The following NME8 variants were observed in gnomAD, a reference collection of about 807,000 sequenced individuals.
NME8 encodes the protein NME/NM23 family member 8.
NME8 carries 72 observed loss-of-function variants against 82.3 expected under a neutral mutation model. That is an observed-to-expected ratio of 0.87 (90% CI 0.72 to 1.06). The LOEUF is 1.06. Ranked by LOEUF, NME8 falls within the 50% of genes least tolerant of loss-of-function variation. The pLI is 0.00. For synonymous variants in NME8, 267 were observed against 228.5 expected, an observed-to-expected ratio of 1.17 and a Z score of -1.52; for missense variants, 712 against 685.4, an observed-to-expected ratio of 1.04 and a Z score of -0.43.
chr7:37,859,888 A>G (rs1448656461), intron 6 of NME8, among the ~76,000 whole-genome samples: 1 of 152,116 alleles, frequency 6.6e-6, no homozygotes, highest in East Asian at 1.9e-4. Context: ...CTCCACATCC[A>G]TAATCATTAA....
chr7:37,871,666 T>G lies in NME8; in HGVS notation c.818+3768T>G, dbSNP rs549535009. Among the ~76,000 whole-genome samples, 12 of 152,282 alleles carry G rather than the reference T, an allele frequency of 7.9e-5. No individual in the cohort carries two copies. In the East Asian group the frequency reaches 1.9e-3, roughly 25 times the overall value. On this transcript the variant is annotated intron_variant, in intron 11 of 17. Transcript: ENST00000199447. ...ATGACCTCTGAGCTCACTTTCAGTT[T>G]AAGTCTTTATGACAGAGTGAAGGTG...
intron 12 of NME8, among the ~76,000 whole-genome samples, chr7:37,878,286 A>G (rs2598018): frequency 0.47 from 71,952 of 151,980 alleles, 17,398 homozygotes; most frequent in East Asian, 0.74. Flanking sequence ...ACAGCCTTGC[A>G]TTCTCCAGAA....
At chr7:37,873,156 T>G (rs1784794564) in intron 11 of NME8, among the ~76,000 whole-genome samples, 2 of 152,146 alleles carry the variant, frequency 1.3e-5, no homozygotes, top group African/African-American at 4.8e-5. Flanking sequence ...AGTCAGGAGC[T>G]CAAGACCAGC....
At chr7:37,865,758 T>A in intron 10 of NME8, 141 bp downstream of exon 10, 1 of 656,922 alleles carries the variant, frequency 1.5e-6, no homozygotes, top group Non-Finnish European at 2.7e-6. Context: ...GGTGTCCATA[T>A]CATGGAGATG....
rs371342890 is a variant in NME8, at chr7:37,863,457, G to A, written c.449G>A (p.Ser150Asn). 3 of 1,585,202 alleles carry A rather than the reference G, an allele frequency of 1.9e-6. No individual in the cohort carries two copies. The highest frequency in any genetic ancestry group is 2.2e-5 in the East Asian group (1 of 44,738). The change falls in exon 8 of 18, where the codon AGT (serine) becomes AAT (asparagine). Residue 150 changes from serine to asparagine, a missense_variant. Transcript: ENST00000199447. ...GTTAGTGAAGAATCACCATGTGAAAGTGTTCGTAAGTAAATTTACTTCAAA... is the reference window on the plus strand; with the variant it reads ...GTTAGTGAAGAATCACCATGTGAAAATGTTCGTAAGTAAATTTACTTCAAA... ...SEVSEESPCESVQELYSIAII... is the reference protein window; with the variant it reads ...SEVSEESPCENVQELYSIAII...
At chr7:37,869,695 C>T (rs972579891) in intron 11 of NME8, among the ~76,000 whole-genome samples, 5 of 152,138 alleles carry the variant, frequency 3.3e-5, no homozygotes, top group Non-Finnish European at 5.9e-5. Flanking sequence ...TACAGTATTT[C>T]CTTTCTAAAC....
chr7:37,869,826 T>C (rs1157922317), intron 11 of NME8, among the ~76,000 whole-genome samples: 1 of 152,138 alleles, frequency 6.6e-6, no homozygotes, highest in East Asian at 1.9e-4. Flanking sequence ...ACTCAAAATA[T>C]GGCGCTTTGA....
intron 11 of NME8, among the ~76,000 whole-genome samples, chr7:37,871,773 T>C (rs1784770394): frequency 6.6e-6 from 1 of 152,152 alleles, no homozygotes; most frequent in Non-Finnish European, 1.5e-5. Flanking sequence ...TCTCTATTTG[T>C]CCCTATACAT....
intron 6 of NME8, among the ~76,000 whole-genome samples, chr7:37,860,331 C>A (rs1261388843): frequency 2.0e-5 from 3 of 152,196 alleles, no homozygotes; most frequent in Admixed American, 2.0e-4. Flanking sequence ...ACTCCTCAAT[C>A]CATTCTACCT....
intron 15 of NME8, among the ~76,000 whole-genome samples, chr7:37,891,695 A>G (rs1785131339): frequency 6.6e-6 from 1 of 151,902 alleles, no homozygotes; most frequent in Non-Finnish European, 1.5e-5. Context: ...GGGCCAGTAA[A>G]GCCCCTTCCT....
intron 11 of NME8, among the ~76,000 whole-genome samples, chr7:37,874,172 A>G (rs1037359984): frequency 6.6e-6 from 1 of 152,178 alleles, no homozygotes; most frequent in African/African-American, 2.4e-5. Flanking sequence ...GAAAAAAAAG[A>G]AAAACAGTTC....
chr7:37,881,486 G>A (rs947582928), intron 12 of NME8, among the ~76,000 whole-genome samples: 2 of 151,990 alleles, frequency 1.3e-5, no homozygotes, highest in African/African-American at 2.4e-5. Context: ...ATCCACCCTG[G>A]CATACTTGGA....
At chr7:37,894,181 T>A (rs765398111) in intron 15 of NME8, among the ~76,000 whole-genome samples, 1 of 152,202 alleles carries the variant, frequency 6.6e-6, no homozygotes, top group Non-Finnish European at 1.5e-5. Context: ...ATCTTTATTC[T>A]TAGCATGAGA....
chr7:37,849,528 A>G (rs1784407968), intron 2 of NME8, among the ~76,000 whole-genome samples: 2 of 152,178 alleles, frequency 1.3e-5, no homozygotes, highest in South Asian at 4.1e-4. Context: ...CCCAGCAAAG[A>G]TGACACTGCA....
chr7:37,871,745 A>G (rs1172604418), intron 11 of NME8, among the ~76,000 whole-genome samples: 1 of 152,126 alleles, frequency 6.6e-6, no homozygotes, highest in Non-Finnish European at 1.5e-5. Flanking sequence ...GAAAATATCT[A>G]TTCTCTTCTC....
intron 5 of NME8, among the ~76,000 whole-genome samples, chr7:37,853,298 G>A (rs1224187920): frequency 1.3e-5 from 2 of 152,014 alleles, no homozygotes; most frequent in African/African-American, 2.4e-5. Flanking sequence ...TCTTGTCATT[G>A]TAGTTTTTTT....
At chr7:37,889,160 A>G (rs951128958) in intron 15 of NME8, among the ~76,000 whole-genome samples, 2 of 152,014 alleles carry the variant, frequency 1.3e-5, no homozygotes, top group Non-Finnish European at 2.9e-5. Context: ...TTGAGTAAAT[A>G]TAGTTAAATT....
chr7:37,854,147 T>C (rs941453594), intron 5 of NME8, among the ~76,000 whole-genome samples: 1 of 152,044 alleles, frequency 6.6e-6, no homozygotes, highest in South Asian at 2.1e-4. Flanking sequence ...ATGGGTAACA[T>C]AAACAGTCGA....
At chr7:37,866,577 T>C (rs1360424438) in intron 10 of NME8, among the ~76,000 whole-genome samples, 3 of 152,170 alleles carry the variant, frequency 2.0e-5, no homozygotes, top group African/African-American at 7.2e-5. Context: ...ACATCCTAAA[T>C]TTGGGAATAT....
Sources: allele counts gnomAD v4.1 joint callset (sites outside exome capture counted in the v4.1 genomes callset), GRCh38; gene constraint gnomAD v4.1.1; transcripts MANE v1.5; gene names NCBI Gene and HGNC (gene_info 2026-07-23, HGNC 2026-07-21).